The following NRCAM variants were observed in gnomAD, a reference collection of about 807,000 sequenced individuals.
The protein encoded by NRCAM is neuronal cell adhesion molecule.
Under a neutral mutation model 156.5 loss-of-function variants are expected in NRCAM, and 83 were observed. The observed-to-expected ratio is 0.53, with a 90% CI of 0.44 to 0.64. NRCAM has a LOEUF of 0.64. Ranked by LOEUF, NRCAM falls within the 30% of genes least tolerant of loss-of-function variation. The probability of loss-of-function intolerance (pLI) is 0.00; values close to 1 mark genes in which losing one functional copy is unlikely to be tolerated. For missense variants in NRCAM, 1,417 were observed against 1,597.3 expected, an observed-to-expected ratio of 0.89 and a Z score of 1.92; for synonymous variants, 538 against 563.9, an observed-to-expected ratio of 0.95 and a Z score of 0.65.
intron 1 of NRCAM, among the ~76,000 whole-genome samples, chr7:108,448,118 T>A (rs879863719): frequency 2.6e-5 from 4 of 152,210 alleles, no homozygotes; most frequent in Non-Finnish European, 4.4e-5. Context: ...AACATAACCA[T>A]GGAGTTTTTT....
At chr7:108,347,072 C>A (rs9886327) in intron 2 of NRCAM, among the ~76,000 whole-genome samples, 1,637 of 106,572 alleles carry the variant, frequency 0.015, 45 homozygotes, top group African/African-American at 0.056. Context: ...GACTGTTGCT[C>A]TGTCGCCCAG....
chr7:108,184,202 T>TA (rs1563311989), intron 22 of NRCAM, 39 bp downstream of exon 22: 1 of 1,561,226 alleles, frequency 6.4e-7, no homozygotes. Context: ...TTTTTCACTC[T>TA]AAAAAATAGC....
intron 30 of NRCAM, among the ~76,000 whole-genome samples, chr7:108,162,785 GCACA>G (rs1391006834): frequency 6.6e-6 from 1 of 152,232 alleles, no homozygotes; most frequent in African/African-American, 2.4e-5. Flanking sequence ...GTGCATGTGT[GCACA>G]CACACAGTCA....
chr7:108,211,556 G>A (rs929924626), intron 11 of NRCAM, among the ~76,000 whole-genome samples: 2 of 152,306 alleles, frequency 1.3e-5, no homozygotes, highest in African/African-American at 2.4e-5. Context: ...CACTGTGGGA[G>A]TGAGACTGGC....
intron 29 of NRCAM, among the ~76,000 whole-genome samples, chr7:108,167,692 G>T (rs905353540): frequency 6.6e-6 from 1 of 152,274 alleles, no homozygotes; most frequent in East Asian, 1.9e-4. Flanking sequence ...ACTTAGGAGG[G>T]GGGTACTGGC....
chr7:108,274,391 T>C (rs2097508935), intron 3 of NRCAM, among the ~76,000 whole-genome samples: 1 of 152,252 alleles, frequency 6.6e-6, no homozygotes, highest in African/African-American at 2.4e-5. Context: ...TTTTTCCATT[T>C]GTTTGTGTCC....
intron 2 of NRCAM, among the ~76,000 whole-genome samples, chr7:108,356,450 G>A (rs1247839448): frequency 6.6e-6 from 1 of 152,122 alleles, no homozygotes; most frequent in Non-Finnish European, 1.5e-5. Flanking sequence ...TAGAGGTCTT[G>A]GAATGTATTC....
chr7:108,317,238 C>T (rs2098937380), intron 2 of NRCAM, among the ~76,000 whole-genome samples: 1 of 152,080 alleles, frequency 6.6e-6, no homozygotes, highest in South Asian at 2.1e-4. Flanking sequence ...CTAGCTCTGC[C>T]CTATCTAATA....
At chr7:108,437,197 T>A (rs2396000) in intron 1 of NRCAM, among the ~76,000 whole-genome samples, 32,600 of 152,096 alleles carry the variant, frequency 0.21, 3,906 homozygotes, top group South Asian at 0.36. Flanking sequence ...TTTTCACTTA[T>A]ATGTGGGATC....
At chr7:108,220,315 A>G (rs1197784073) in intron 11 of NRCAM, among the ~76,000 whole-genome samples, 1 of 152,068 alleles carries the variant, frequency 6.6e-6, no homozygotes, top group Non-Finnish European at 1.5e-5. Flanking sequence ...TCAAAATACC[A>G]CCATTATTCT....
In NRCAM at chr7:108,384,745, G is replaced by A. The variant is rs992711592; in HGVS notation, c.-174+14691C>T. On this transcript the variant is annotated intron_variant, in intron 2 of 32. Coordinates refer to ENST00000379028, the MANE Select transcript of NRCAM (RefSeq NM_001037132.4). ...CAACTTTGCTTTCTAACAAGCTCTG[G>A]GTGATGTCCACACTGCTGGTTTATT... 5.3e-5 allele frequency among the ~76,000 whole-genome samples: 8 copies of A among 152,250 alleles called. No individual in the cohort carries two copies. In the East Asian group the frequency reaches 1.5e-3, roughly 29 times the overall value.
At chr7:108,378,676 C>CACACACACAG (rs2099687116) in intron 2 of NRCAM, among the ~76,000 whole-genome samples, 1 of 132,488 alleles carries the variant, frequency 7.5e-6, no homozygotes, top group African/African-American at 2.7e-5. Flanking sequence ...CACACACACA[C>CACACACACAG]ACACACACAC....
chr7:108,370,286 A>G (rs2099619994), intron 2 of NRCAM, among the ~76,000 whole-genome samples: 1 of 152,164 alleles, frequency 6.6e-6, no homozygotes, highest in African/African-American at 2.4e-5. Flanking sequence ...TAGACAAGTT[A>G]GGCTTCGGGT....
chr7:108,184,441 C>G lies in NRCAM; in HGVS notation c.2209G>C (p.Glu737Gln). The part of the protein sequence containing the change: ...IGKSLPSEAS[E>Q]QYLTKASEPD... ...CCTGAGGCTTTCGTCAAATACTGCT[C>G]AGACGCCTCGCTGGGCAAGCTCTTC... Residue 737 changes from glutamate to glutamine, a missense_variant, in exon 21 of 33, where the codon GAG becomes CAG. Physicochemically the swap from Glu to Gln is conservative, Grantham distance 29. Transcript: ENST00000379028. 6.2e-7 allele frequency: 1 copy of G among 1,614,180 alleles called. No homozygotes were observed. Among genetic ancestry groups the G allele is most frequent in the Non-Finnish European group, 8.5e-7 (1 of 1,180,040 alleles).
intron 15 of NRCAM, 50 bp from the exon 16 acceptor site, chr7:108,194,478 A>C: frequency 1.5e-6 from 2 of 1,333,054 alleles, no homozygotes; most frequent in South Asian, 2.9e-5. Context: ...TTATATTTTG[A>C]AGTCAGACAT....
intron 3 of NRCAM, among the ~76,000 whole-genome samples, chr7:108,268,451 A>T (rs999751708): frequency 1.8e-4 from 28 of 152,132 alleles, no homozygotes; most frequent in Admixed American, 1.4e-3. Flanking sequence ...ACATAAACAG[A>T]CACCTCAACT....
At position 108,324,877 on chromosome 7, in the gene NRCAM, C is replaced by CTTTTTT. The variant is rs60553976; in HGVS notation, c.-173-12152_-173-12147dup. ...TGTTTGTGTAATATTTGGCACTGTA[C>CTTTTTT]TTTTTTTTTTTTTTTTTTTTTTTTT... On this transcript the variant is annotated intron_variant, in intron 2 of 32. Transcript: ENST00000379028. 6.8e-4 allele frequency among the ~76,000 whole-genome samples: 56 copies of CTTTTTT among 82,690 alleles called. 2 individuals are homozygous for CTTTTTT. Among genetic ancestry groups the CTTTTTT allele is most frequent in the African/African-American group, 1.1e-3 (21 of 19,562 alleles). The allele number at this position is 82,690 out of a possible 152,430, so 54.2% of individuals were successfully genotyped here.
At chr7:108,165,154 A>T (rs764772009) in intron 30 of NRCAM, among the ~76,000 whole-genome samples, 17 of 152,198 alleles carry the variant, frequency 1.1e-4, no homozygotes, top group Non-Finnish European at 1.8e-4. Context: ...AGAATCACTG[A>T]TTGGATATAC....
chr7:108,358,802 G>A (rs1165018268), intron 2 of NRCAM, among the ~76,000 whole-genome samples: 1 of 152,174 alleles, frequency 6.6e-6, no homozygotes, highest in East Asian at 1.9e-4. Flanking sequence ...CAGATGTCTG[G>A]TCAGGAATTC....
Sources: allele counts gnomAD v4.1 joint callset (sites outside exome capture counted in the v4.1 genomes callset), GRCh38; gene constraint gnomAD v4.1.1; transcripts MANE v1.5; gene names NCBI Gene and HGNC (gene_info 2026-07-23, HGNC 2026-07-21).